The following ANKRD27 variants were observed in gnomAD, a reference collection of about 807,000 sequenced individuals.
ANKRD27 encodes the protein ankyrin repeat domain 27.
Under a neutral mutation model 129.7 loss-of-function variants are expected in ANKRD27, and 112 were observed. The observed-to-expected ratio is 0.86, with a 90% CI of 0.74 to 1.01. The LOEUF (loss-of-function observed/expected upper bound fraction) is 1.01, where lower values mean the gene tolerates loss of function less well. ANKRD27 is among the 50% of genes least tolerant of loss of function. ANKRD27 has a pLI of 0.00. For missense variants in ANKRD27, 1,258 were observed against 1,300.5 expected (o/e 0.97, Z 0.50); for synonymous variants, 516 against 511.2 (o/e 1.01, Z -0.13).
intron 2 of ANKRD27, chr19:32,655,187 A>C (rs1301463159): frequency 6.6e-6 from 1 of 152,242 alleles, no homozygotes; most frequent in Non-Finnish European, 1.5e-5. Flanking sequence ...ATTGATGCCA[A>C]ACTTAGTGTG....
chr19:32,653,395 G>A (rs1967457474), intron 2 of ANKRD27, among the ~76,000 whole-genome samples: 1 of 152,102 alleles, frequency 6.6e-6, no homozygotes, highest in Non-Finnish European at 1.5e-5. Flanking sequence ...TTTTCCTGTA[G>A]GCAAAGGGGC....
intron 17 of ANKRD27, among the ~76,000 whole-genome samples, 154 bp downstream of exon 17, chr19:32,625,720 C>T (rs909817275): frequency 6.6e-6 from 1 of 152,216 alleles, no homozygotes; most frequent in African/African-American, 2.4e-5. Flanking sequence ...GCGTGAGCCA[C>T]CGTGCCTGGC....
chr19:32,664,066 AAAAAAAAAG>A (rs1967699450), intron 1 of ANKRD27, among the ~76,000 whole-genome samples: 4 of 142,292 alleles, frequency 2.8e-5, no homozygotes, highest in African/African-American at 1.1e-4. Flanking sequence ...AAAAAAAAAA[AAAAAAAAAG>A]AAAGAAATAG....
chr19:32,605,855 G>A lies in ANKRD27; in HGVS notation c.2473C>T (p.Leu825Phe). 1 of 1,613,900 alleles carries A rather than the reference G, an allele frequency of 6.2e-7. No individual in the cohort carries two copies. Among genetic ancestry groups the A allele is most frequent in the South Asian group, 1.1e-5 (1 of 91,070 alleles). Residue 825 changes from leucine (L) to phenylalanine (F), a missense_variant, in exon 24 of 29, where the codon CTT becomes TTT. Coordinates refer to ENST00000306065, the MANE Select transcript of ANKRD27 (RefSeq NM_032139.3). ...CTCACCTGTAGCAGCAGTGCCACAAGCTCGTGATGGCCACCGGAGCAGGCG... is the reference window on the plus strand; with the variant it reads ...CTCACCTGTAGCAGCAGTGCCACAAACTCGTGATGGCCACCGGAGCAGGCG... ...IYACSGGHHE[L>F]VALLLQHGAS...
chr19:32,656,727 G>A (rs148197645), intron 2 of ANKRD27, among the ~76,000 whole-genome samples: 1 of 151,770 alleles, frequency 6.6e-6, no homozygotes, highest in East Asian at 1.9e-4. Context: ...TGAGGCTGCA[G>A]TGAGCCGTGT....
At chr19:32,641,458 C>T (rs886719967) in intron 10 of ANKRD27, among the ~76,000 whole-genome samples, 1 of 152,098 alleles carries the variant, frequency 6.6e-6, no homozygotes, top group South Asian at 2.1e-4. Context: ...TTAAGTAATT[C>T]ATTCACATTT....
rs778101375 is a variant in ANKRD27 at position 32,597,963 on chromosome 19, G to A, written c.*182C>T. The A allele has an allele frequency of 3.3e-6, 2 of 605,058 alleles. No individual in the cohort carries two copies. The highest frequency in any genetic ancestry group is 5.9e-6 in the Non-Finnish European group (2 of 340,036). The allele number at this position is 605,058 out of a possible 1,614,324, so 37.5% of individuals were successfully genotyped here. Reference sequence around the variant, plus strand: ...ATTAGCTTTGAAGAGGAGAGAGATGGTGGTGGTTAACTTTTTTGTTGCATT... The same window carrying A: ...ATTAGCTTTGAAGAGGAGAGAGATGATGGTGGTTAACTTTTTTGTTGCATT... On this transcript the variant is annotated 3_prime_UTR_variant, in exon 29 of 29. Transcript: ENST00000306065.
Position 32,597,132 on chromosome 19 carries a change from A to G in ANKRD27, c.*1013T>C, listed in dbSNP as rs1971581476. On this transcript the variant is annotated 3_prime_UTR_variant, in exon 29 of 29. Transcript: ENST00000306065. ...CCTCCCTTCCTTCTGTACATACACAAGTATTTCCAAGAACATGGACAAAAC... is the reference window on the plus strand; with the variant it reads ...CCTCCCTTCCTTCTGTACATACACAGGTATTTCCAAGAACATGGACAAAAC... 1 of 151,988 alleles carries G rather than the reference A, an allele frequency of 6.6e-6. No individual in the cohort carries two copies. Among genetic ancestry groups the G allele is most frequent in the Non-Finnish European group, 1.5e-5 (1 of 67,930 alleles). The allele number at this position is 151,988 out of a possible 1,614,324, so 9.4% of individuals were successfully genotyped here. A position where few individuals can be genotyped will look rare whatever the true frequency, so the allele number is the denominator to read the frequency against.
Position 32,630,997 on chromosome 19 carries a change from G to A in ANKRD27, c.1209+405C>T, listed in dbSNP as rs140070188. Among the ~76,000 whole-genome samples, 252 of 151,904 alleles carry A rather than the reference G, an allele frequency of 1.7e-3. 1 individual carries two copies. Among genetic ancestry groups the A allele is most frequent in the African/African-American group, 5.8e-3 (241 of 41,428 alleles). On this transcript the variant is annotated intron_variant, in intron 13 of 28. Transcript: ENST00000306065. Reference sequence around the variant, plus strand: ...TCTGAGCACAGAATGGAACTTCAGGGTTTATGCAGACCACCACCCTGATCA... The same window carrying A: ...TCTGAGCACAGAATGGAACTTCAGGATTTATGCAGACCACCACCCTGATCA...
Position 32,607,827 on chromosome 19 carries a change from C to G in ANKRD27, c.2181G>C (p.Leu727=). The part of the protein sequence containing the change: ...CPKCAPAQKR[L]AKVPASGLGV... ...CAAGCCCACTGGCAGGAACCTTCGC[C>G]AGCCTCTGGGAAGCGCAGAAGATGG... is the stretch of plus-strand genomic sequence containing the variant. The change falls in exon 23 of 29, where the codon CTG becomes CTC. Residue 727 remains leucine (L), a synonymous_variant. Transcript: ENST00000306065. The G allele has an allele frequency of 6.2e-7, 1 of 1,604,264 alleles. No homozygotes were observed. Among genetic ancestry groups the G allele is most frequent in the South Asian group, 1.1e-5 (1 of 89,680 alleles).
At chr19:32,667,819 T>A (rs1425041953) in intron 1 of ANKRD27, among the ~76,000 whole-genome samples, 1 of 98,294 alleles carries the variant, frequency 1.0e-5, no homozygotes, top group African/African-American at 3.7e-5. Context: ...GCGACAAGAG[T>A]GAAACTCCGT....
At chr19:32,638,540 C>T (rs2145295800) in intron 12 of ANKRD27, 1 of 152,486 alleles carries the variant, frequency 6.6e-6, no homozygotes, top group South Asian at 2.0e-4. Context: ...TCCCGACTCA[C>T]TACATTGCAG....
intron 1 of ANKRD27, among the ~76,000 whole-genome samples, chr19:32,663,210 G>C (rs939549105): frequency 8.5e-5 from 13 of 152,172 alleles, no homozygotes; most frequent in South Asian, 2.1e-4. Flanking sequence ...GCCATGGGGG[G>C]AGAGCGAGGC....
At chr19:32,629,700 A>T (rs978681665) in intron 13 of ANKRD27, among the ~76,000 whole-genome samples, 2 of 152,124 alleles carry the variant, frequency 1.3e-5, no homozygotes, top group African/African-American at 4.8e-5. Context: ...ACTCTGTCAC[A>T]AAAAATAAAA....
At chr19:32,661,175 T>C (rs1322672232) in intron 1 of ANKRD27, among the ~76,000 whole-genome samples, 2 of 150,144 alleles carry the variant, frequency 1.3e-5, no homozygotes, top group African/African-American at 4.9e-5. Context: ...CACTCCACCC[T>C]GTGTGATGGT....
chr19:32,655,994 G>A (rs529520258), intron 2 of ANKRD27, among the ~76,000 whole-genome samples: 1 of 149,410 alleles, frequency 6.7e-6, no homozygotes, highest in Non-Finnish European at 1.5e-5. Context: ...CTCCAGCCTG[G>A]GCAACACAGT....
In ANKRD27 at chr19:32,649,798, A is replaced by G. The variant is rs1967376609; in HGVS notation, c.103-6T>C. ...CCTTTGCAGGGTACTAAGACCTGGA[A>G]AAAACAATTCGGGGCAACATTAGAC... On this transcript the variant is annotated splice_region_variant and splice_polypyrimidine_tract_variant and intron_variant, in intron 2 of 28. Transcript: ENST00000306065. 4 of 1,598,052 alleles carry G rather than the reference A, an allele frequency of 2.5e-6. No homozygotes were observed. In the African/African-American group the frequency reaches 5.4e-5, roughly 21 times the overall value.
rs367630751 is a variant in ANKRD27 at position 32,649,754 on chromosome 19, G to A, written c.141C>T (p.Ile47=). 3 of 1,613,936 alleles carry A rather than the reference G, an allele frequency of 1.9e-6. No homozygotes were observed. In the African/African-American group the frequency reaches 4.0e-5, roughly 22 times the overall value. ...VPCKGSLSSS[I]QSTCQFESYI... ...AGGACTCAAACTGACAAGTAGACTG[G>A]ATGCTGCTCGACAGGCTTCCTTTGC... The change falls in exon 3 of 29, where the codon ATC becomes ATT. Residue 47 remains isoleucine (I), a synonymous_variant. Coordinates refer to ENST00000306065, the MANE Select transcript of ANKRD27 (RefSeq NM_032139.3).
At chr19:32,639,100 T>C in intron 12 of ANKRD27, 1 of 480,038 alleles carries the variant, frequency 2.1e-6, no homozygotes, top group Non-Finnish European at 3.6e-6. Flanking sequence ...CCACATGTCT[T>C]TGGAGAGGAT....
Sources: allele counts gnomAD v4.1 joint callset (sites outside exome capture counted in the v4.1 genomes callset), GRCh38; gene constraint gnomAD v4.1.1; transcripts MANE v1.5; gene names NCBI Gene and HGNC (gene_info 2026-07-23, HGNC 2026-07-21).